SCARA3: variants seen among roughly 807,000 people sequenced by gnomAD.
SCARA3 encodes scavenger receptor class A member 3.
A neutral mutation model predicts 47.0 loss-of-function variants in SCARA3; 39 were observed. The observed-to-expected ratio is 0.83, with a 90% CI of 0.64 to 1.08. The LOEUF is 1.08. SCARA3 is among the 50% of genes least tolerant of loss of function. The pLI, the probability that SCARA3 is intolerant of heterozygous loss-of-function variation, is 0.00. For synonymous variants in SCARA3, 356 were observed against 334.1 expected (o/e 1.07, Z -0.71); for missense variants, 724 against 792.3 (o/e 0.91, Z 1.04).
Position 27,658,628 on chromosome 8 carries a change from C to T in SCARA3, c.458C>T (p.Thr153Ile). 1.9e-6 allele frequency: 3 copies of T among 1,614,044 alleles called. No homozygotes were observed. The highest frequency in any genetic ancestry group is 1.7e-6 in the Non-Finnish European group (2 of 1,180,002). ...LLAQEVQLDQ[T>I]LQAQEVLSTT... is the part of the protein sequence containing the mutation. The stretch of plus-strand genomic sequence containing the variant: ...GCCCAGGAGGTGCAGCTGGACCAGA[C>T]CTTACAGGCCCAGGAGGTGCTCTCC... Residue 153 changes from threonine (T) to isoleucine (I), a missense_variant, in exon 5 of 6, where the codon ACC (threonine) becomes ATC (isoleucine). By Grantham distance (89) the Thr-to-Ile change is moderately conservative. Coordinates refer to ENST00000301904, the MANE Select transcript of SCARA3 (RefSeq NM_016240.3).
chr8:27,671,792 T>C lies in SCARA3; in HGVS notation c.*441T>C, dbSNP rs899834201. ...CGCACACACACATGCACTGCACACA[T>C]ATCCATGCACACAAACACATATATA... is the stretch of plus-strand genomic sequence containing the variant. On this transcript the variant is annotated 3_prime_UTR_variant, in exon 6 of 6. Coordinates refer to ENST00000301904, the MANE Select transcript of SCARA3 (RefSeq NM_016240.3). 1.0e-6 allele frequency: 1 copy of C among 990,448 alleles called. No homozygotes were observed. Among genetic ancestry groups the C allele is most frequent in the East Asian group, 1.1e-4 (1 of 9,100 alleles). 61.4% of individuals were successfully genotyped at this position (990,448 alleles called of 1,614,324 possible). A position where few individuals can be genotyped will look rare whatever the true frequency, so the allele number is the denominator to read the frequency against.
chr8:27,683,003 G>A, the SCARA3 span, among the ~76,000 whole-genome samples: 8 of 151,750 alleles, frequency 5.3e-5, no homozygotes, highest in African/African-American at 1.9e-4. Flanking sequence ...TTTATAATTA[G>A]CCAGAAACTA....
chr8:27,685,783 C>G, the SCARA3 span, among the ~76,000 whole-genome samples: 1 of 152,176 alleles, frequency 6.6e-6, no homozygotes, highest in African/African-American at 2.4e-5. Context: ...TACGTGTAAT[C>G]AAGCCTCTAG....
At chr8:27,660,693 T>TGATAGATAGATA (rs200533534) in intron 5 of SCARA3, among the ~76,000 whole-genome samples, 42 of 89,466 alleles carry the variant, frequency 4.7e-4, no homozygotes, top group South Asian at 2.4e-3. Flanking sequence ...GAGTGATAGA[T>TGATAGATAGATA]GATAGATAGA....
rs370685121 is a variant in SCARA3, at chr8:27,649,748, G to A, written c.54G>A (p.Glu18=). The A allele has an allele frequency of 3.2e-5, 52 of 1,614,062 alleles. No homozygotes were observed. Among genetic ancestry groups the A allele is most frequent in the Non-Finnish European group, 2.6e-5 (31 of 1,180,034 alleles). ...GDGDALCVTE[E]DLAGDDEDMP... ...GAGATGCCTTGTGCGTTACAGAAGA[G>A]GACCTGGCGGGTGACGACGAGGACA... Residue 18 remains glutamate, a synonymous_variant, in exon 2 of 6, where the codon GAG becomes GAA. Transcript: ENST00000301904.
the SCARA3 span, among the ~76,000 whole-genome samples, chr8:27,715,520 T>C: frequency 6.6e-6 from 1 of 151,264 alleles, no homozygotes; most frequent in African/African-American, 2.4e-5. The surrounding 1 kb of genome is among the most constrained non-coding windows in gnomAD (Gnocchi z 4.2). Context: ...ACAGGAACTC[T>C]CCTTACCTTA....
At chr8:27,723,152 T>A in the SCARA3 span, among the ~76,000 whole-genome samples, 1 of 152,172 alleles carries the variant, frequency 6.6e-6, no homozygotes, top group Non-Finnish European at 1.5e-5. Context: ...CATACATTTT[T>A]AAAATATATA....
the SCARA3 span, among the ~76,000 whole-genome samples, chr8:27,706,399 C>T: frequency 6.6e-6 from 1 of 152,172 alleles, no homozygotes; most frequent in South Asian, 2.1e-4. Flanking sequence ...GTGATCTGCC[C>T]GCCTCGGCCT....
chr8:27,727,392 T>C, the SCARA3 span, among the ~76,000 whole-genome samples: 14 of 152,356 alleles, frequency 9.2e-5, no homozygotes, highest in Admixed American at 2.6e-4. Context: ...CTCCGCGTGA[T>C]GCGCGCCGAG....
intron 1 of SCARA3, 148 bp downstream of exon 1, chr8:27,634,355 G>T (rs761917961): frequency 2.7e-5 from 16 of 600,290 alleles, no homozygotes; most frequent in Admixed American, 8.8e-5. Context: ...GGCATCCTGC[G>T]AGACAGGACG....
chr8:27,723,664 G>A, the SCARA3 span, among the ~76,000 whole-genome samples: 2 of 152,314 alleles, frequency 1.3e-5, no homozygotes, highest in Admixed American at 6.5e-5. Context: ...TGTCAGTGGA[G>A]ATTTCTCAAG....
chr8:27,637,819 G>A (rs970578108), intron 1 of SCARA3, among the ~76,000 whole-genome samples: 9 of 152,196 alleles, frequency 5.9e-5, no homozygotes, highest in East Asian at 3.9e-4. Flanking sequence ...GGAGGAATCC[G>A]CCCTGCACCG....
At chr8:27,690,216 T>G in the SCARA3 span, among the ~76,000 whole-genome samples, 1 of 152,190 alleles carries the variant, frequency 6.6e-6, no homozygotes, top group Non-Finnish European at 1.5e-5. Context: ...TCTTGGTATC[T>G]CTGACAGTTT....
chr8:27,709,085 T>G, the SCARA3 span, among the ~76,000 whole-genome samples: 1 of 152,214 alleles, frequency 6.6e-6, no homozygotes, highest in African/African-American at 2.4e-5. Flanking sequence ...ATGTTGACTT[T>G]CCTTTTCTCT....
At chr8:27,640,119 A>T (rs35384250) in intron 1 of SCARA3, among the ~76,000 whole-genome samples, 1 of 152,198 alleles carries the variant, frequency 6.6e-6, no homozygotes, top group South Asian at 2.1e-4. Flanking sequence ...GAATCTCTTT[A>T]TCGGGAGGCA....
At chr8:27,700,047 T>C in the SCARA3 span, among the ~76,000 whole-genome samples, 2 of 152,118 alleles carry the variant, frequency 1.3e-5, no homozygotes, top group Admixed American at 6.5e-5. Context: ...CAAACCTAAA[T>C]GTAAAAACTA....
At position 27,672,062 on chromosome 8, in the gene SCARA3, C is replaced by T. The variant is rs1411779685; in HGVS notation, c.*711C>T. On this transcript the variant is annotated 3_prime_UTR_variant, in exon 6 of 6. Coordinates refer to ENST00000301904, the MANE Select transcript of SCARA3 (RefSeq NM_016240.3). ...TGCGGGTGGGGCGTTACTGCCAAAA[C>T]TCCAGAGGCAAAGTGGACCTGGCAA... The T allele has an allele frequency of 1.0e-6, 1 of 985,314 alleles. No individual in the cohort carries two copies. Among genetic ancestry groups the T allele is most frequent in the African/African-American group, 1.7e-5 (1 of 57,230 alleles). The allele number at this position is 985,314 out of a possible 1,614,324, so 61.0% of individuals were successfully genotyped here. A position where few individuals can be genotyped will look rare whatever the true frequency, so the allele number is the denominator to read the frequency against.
the SCARA3 span, among the ~76,000 whole-genome samples, chr8:27,720,883 C>A: frequency 6.6e-6 from 1 of 151,910 alleles, no homozygotes; most frequent in South Asian, 2.1e-4. Context: ...CATCCATTCA[C>A]CCACTCAGTC....
intron 1 of SCARA3, among the ~76,000 whole-genome samples, chr8:27,643,157 G>A (rs977843079): frequency 1.3e-5 from 2 of 152,190 alleles, no homozygotes; most frequent in Non-Finnish European, 2.9e-5. Context: ...ATGAAGAATT[G>A]CACCACCTGG....
Sources: gnomAD v4.1 joint callset for allele counts (sites outside exome capture counted in the v4.1 genomes callset) on GRCh38, gnomAD v4.1.1 for gene constraint, Gnocchi (gnomAD v3.1) non-coding constraint, MANE v1.5 for transcripts, NCBI Gene and HGNC (gene_info 2026-07-23, HGNC 2026-07-21) for gene names.